PHF3: variants seen among roughly 807,000 people sequenced by gnomAD.
PHF3 encodes the protein PHD finger protein 3.
In PHF3, 41 loss-of-function variants were observed where a neutral mutation model predicts 178.4. The ratio of observed to expected loss-of-function variants is 0.23; its 90% CI spans 0.18 to 0.30. The LOEUF (loss-of-function observed/expected upper bound fraction) is 0.30. Ranked by LOEUF, PHF3 falls within the 10% of genes least tolerant of loss-of-function variation. The pLI, the probability that PHF3 is intolerant of heterozygous loss-of-function variation, is 1.00. For missense variants in PHF3, 2,346 were observed against 2,398.1 expected, an observed-to-expected ratio of 0.98 and a Z score of 0.45; for synonymous variants, 842 against 800.5, an observed-to-expected ratio of 1.05 and a Z score of -0.88.
intron 4 of PHF3, among the ~76,000 whole-genome samples, chr6:63,691,246 G>A (rs542958222): frequency 6.6e-6 from 1 of 151,948 alleles, no homozygotes; most frequent in Non-Finnish European, 1.5e-5. Flanking sequence ...ACTATTGTTG[G>A]TTTTTTCTTT....
chr6:63,711,434 T>G, intron 15 of PHF3, 72 bp downstream of exon 15: 1 of 1,387,998 alleles, frequency 7.2e-7, no homozygotes, highest in Non-Finnish European at 9.9e-7. Flanking sequence ...AAAAGACTGA[T>G]TCTGCCTTCT....
chr6:63,694,556 A>G (rs1561972866), intron 5 of PHF3, 25 bp from the exon 6 acceptor site: 2 of 1,393,518 alleles, frequency 1.4e-6, no homozygotes, highest in Non-Finnish European at 1.9e-6. Context: ...TTTTCATTCT[A>G]ATGAATTAAG....
intron 1 of PHF3, among the ~76,000 whole-genome samples, chr6:63,643,359 T>C (rs1179189596): frequency 6.6e-6 from 1 of 152,248 alleles, no homozygotes; most frequent in East Asian, 1.9e-4. Flanking sequence ...TTTGGATGGC[T>C]ACATGCTGTT....
At position 63,684,117 on chromosome 6, in the gene PHF3, C is replaced by T; in HGVS notation, c.407-12C>T. On this transcript the variant is annotated splice_polypyrimidine_tract_variant and intron_variant, in intron 3 of 15. Coordinates refer to ENST00000262043, the MANE Select transcript of PHF3 (RefSeq NM_001370348.2). Reference sequence around the variant, plus strand: ...GCTAAGTATTTTTATTTATTTTTTCCCCCTGTGATAGAACAAGTAAGAAGT... The same window carrying T: ...GCTAAGTATTTTTATTTATTTTTTCTCCCTGTGATAGAACAAGTAAGAAGT... 2 of 1,541,364 alleles carry T rather than the reference C, an allele frequency of 1.3e-6. No homozygotes were observed. Among genetic ancestry groups the T allele is most frequent in the South Asian group, 2.5e-5 (2 of 81,502 alleles).
rs200055061 is a variant in PHF3, at chr6:63,724,364, T to C, written c.*10656T>C. Among the ~76,000 whole-genome samples, 1 of 152,308 alleles carries C rather than the reference T, an allele frequency of 6.6e-6. No individual in the cohort carries two copies. Among genetic ancestry groups the C allele is most frequent in the East Asian group, 1.9e-4 (1 of 5,180 alleles). On this transcript the variant is annotated 3_prime_UTR_variant, in exon 16 of 16. Coordinates refer to ENST00000262043, the MANE Select transcript of PHF3 (RefSeq NM_001370348.2). Reference sequence around the variant, plus strand: ...TACAGAATCAGCATATCAGGGGAATTGTATATACATTTTTTTCTGTAGAAA... The same window carrying C: ...TACAGAATCAGCATATCAGGGGAATCGTATATACATTTTTTTCTGTAGAAA...
At chr6:63,638,911 T>C (rs377586115) in intron 1 of PHF3, among the ~76,000 whole-genome samples, 4 of 152,248 alleles carry the variant, frequency 2.6e-5, no homozygotes, top group Admixed American at 6.5e-5. Context: ...TGGAAAGATA[T>C]TGAGAGTATT....
intron 14 of PHF3, 22 bp downstream of exon 14, chr6:63,709,262 A>G (rs772446246): frequency 7.1e-7 from 1 of 1,401,790 alleles, no homozygotes; most frequent in Admixed American, 1.7e-5. Flanking sequence ...TTTTTTCACT[A>G]TACCAGCATG....
chr6:63,686,768 T>A (rs974786147), intron 4 of PHF3, among the ~76,000 whole-genome samples: 9 of 152,252 alleles, frequency 5.9e-5, no homozygotes, highest in Non-Finnish European at 1.2e-4. Context: ...TTGTATATTA[T>A]ATTCTTCTTA....
rs950481934 is a variant in PHF3 at position 63,711,807 on chromosome 6, C to T, written c.4219C>T (p.His1407Tyr). 1 of 1,613,784 alleles carries T rather than the reference C, an allele frequency of 6.2e-7. No individual in the cohort carries two copies. Reference sequence around the variant, plus strand: ...TTTTAATTCTTTTACAACTGTATTACACAAGCAGAGAAATAAACCTCAGCA... The same window carrying T: ...TTTTAATTCTTTTACAACTGTATTATACAAGCAGAGAAATAAACCTCAGCA... ...DFFNSFTTVL[H>Y]KQRNKPQQNL... The change falls in exon 16 of 16, where the codon CAC becomes TAC. Residue 1407 changes from histidine to tyrosine, a missense_variant. Coordinates refer to ENST00000262043, the MANE Select transcript of PHF3 (RefSeq NM_001370348.2).
At chr6:63,637,111 T>A (rs1764375436) in intron 1 of PHF3, among the ~76,000 whole-genome samples, 1 of 152,236 alleles carries the variant, frequency 6.6e-6, no homozygotes, top group Non-Finnish European at 1.5e-5. Flanking sequence ...AGTCCTAATC[T>A]GCATTACATG....
At position 63,721,818 on chromosome 6, in the gene PHF3, A is replaced by G. The variant is rs1768408115; in HGVS notation, c.*8110A>G. On this transcript the variant is annotated 3_prime_UTR_variant, in exon 16 of 16. Transcript: ENST00000262043. ...ATCACCTGCAAGAAAGCAAACAGTA[A>G]GTTTGATTAGCAACAGTAAAAGTTT... 1 of 1,526,284 alleles carries G rather than the reference A, an allele frequency of 6.6e-7. No homozygotes were observed. The allele number at this position is 1,526,284 out of a possible 1,614,324, so 94.5% of individuals were successfully genotyped here. A position where few individuals can be genotyped will look rare whatever the true frequency, so the allele number is the denominator to read the frequency against.
rs185245950 is a variant in PHF3, at chr6:63,685,525, C to T, written c.1803C>T (p.His601=). ...PLTHSLSDKS[H]AHPGCLKEPH... is the part of the protein sequence containing the mutation. Reference sequence around the variant, plus strand: ...CTCATTCTTTGAGTGATAAGTCACACGCTCATCCTGGTTGCTTGAAAGAAC... The same window carrying T: ...CTCATTCTTTGAGTGATAAGTCACATGCTCATCCTGGTTGCTTGAAAGAAC... Residue 601 remains histidine, a synonymous_variant, in exon 4 of 16, where the codon CAC becomes CAT. Transcript: ENST00000262043. 236 of 1,614,062 alleles carry T rather than the reference C, an allele frequency of 1.5e-4. No individual in the cohort carries two copies. The highest frequency in any genetic ancestry group is 1.3e-3 in the Admixed American group (76 of 60,016).
intron 4 of PHF3, among the ~76,000 whole-genome samples, chr6:63,690,873 G>A (rs748288390): frequency 1.3e-5 from 2 of 152,132 alleles, no homozygotes; most frequent in African/African-American, 2.4e-5. Flanking sequence ...TGGAAAGATA[G>A]AAGCTTTTTT....
At position 63,700,586 on chromosome 6, in the gene PHF3, A is replaced by G. The variant is rs372995999; in HGVS notation, c.3099+120A>G. On this transcript the variant is annotated intron_variant, in intron 9 of 15. Coordinates refer to ENST00000262043, the MANE Select transcript of PHF3 (RefSeq NM_001370348.2). ...CATAATAACACAGACTTTCTGTTAC[A>G]TGCTTCTTTTTTTTTTGAGATGGCG... is the stretch of plus-strand genomic sequence containing the variant. 61 of 569,922 alleles carry G rather than the reference A, an allele frequency of 1.1e-4. No individual in the cohort carries two copies. In the East Asian group the frequency reaches 1.6e-3, roughly 15 times the overall value. The allele number at this position is 569,922 out of a possible 1,614,324, so 35.3% of individuals were successfully genotyped here. A position where few individuals can be genotyped will look rare whatever the true frequency, so the allele number is the denominator to read the frequency against.
In PHF3 at chr6:63,698,480, G is replaced by C; in HGVS notation, c.2857G>C (p.Glu953Gln). The part of the protein sequence containing the change: ...LTDSNLKVPE[E>Q]KAAKVATKIE... ...AGACTCAAATTTGAAGGTACCAGAG[G>C]AAAAGGCAGCAAAAGTTGCCACAAA... The change falls in exon 8 of 16, where the codon GAA becomes CAA. Residue 953 changes from glutamate to glutamine, a missense_variant. Physicochemically the swap from Glu to Gln is conservative, Grantham distance 29. Around this residue, in one of 8 missense-constraint regions of PHF3, gnomAD observed 252 missense variants for 232.0 expected, o/e 1.09. Transcript: ENST00000262043. The C allele has an allele frequency of 6.2e-7, 1 of 1,601,236 alleles. No individual in the cohort carries two copies. The highest frequency in any genetic ancestry group is 8.5e-7 in the Non-Finnish European group (1 of 1,175,644).
In PHF3 at chr6:63,646,619, G is replaced by T. The variant is rs1355605868; in HGVS notation, c.68G>T (p.Gly23Val). Residue 23 changes from glycine to valine, a missense_variant, in exon 2 of 16, where the codon GGA (glycine) becomes GTA (valine). By Grantham distance (109) the Gly-to-Val change is moderately radical. Coordinates refer to ENST00000262043, the MANE Select transcript of PHF3 (RefSeq NM_001370348.2). The part of the protein sequence containing the change: ...TEHLDDALFL[G>V]SNLENEVCED... ...CACTTAGATGATGCCCTATTTCTAG[G>T]ATCCAACCTGGAGAATGAAGTCTGT... 1 of 1,613,522 alleles carries T rather than the reference G, an allele frequency of 6.2e-7. No homozygotes were observed.
chr6:63,659,981 C>A (rs1374198831), intron 2 of PHF3, among the ~76,000 whole-genome samples: 2 of 152,008 alleles, frequency 1.3e-5, no homozygotes, highest in Non-Finnish European at 2.9e-5. Flanking sequence ...TGCTCTAAAT[C>A]GGTTCTCAGA....
In PHF3 at chr6:63,638,157, T is replaced by G. The variant is rs78579370; in HGVS notation, c.-26+2007T>G. ...TCGAAAGGAATTTGTCTTTAATCAT[T>G]TCAAACTATGTTATTAAAATTTAAA... On this transcript the variant is annotated intron_variant, in intron 1 of 15. Coordinates refer to ENST00000262043, the MANE Select transcript of PHF3 (RefSeq NM_001370348.2). Among the ~76,000 whole-genome samples the G allele has an allele frequency of 8.2e-3, 1,253 of 152,246 alleles. 10 individuals are homozygous for G. The highest frequency in any genetic ancestry group is 0.029 in the African/African-American group (1,205 of 41,564).
chr6:63,653,348 A>T (rs1040618433), intron 2 of PHF3, among the ~76,000 whole-genome samples: 5 of 150,778 alleles, frequency 3.3e-5, no homozygotes, highest in Non-Finnish European at 7.4e-5. Context: ...CCATTTTTTG[A>T]TGTGTGTTCT....
Sources: allele counts gnomAD v4.1 joint callset (sites outside exome capture counted in the v4.1 genomes callset), GRCh38; gene constraint gnomAD v4.1.1; regional missense constraint gnomAD v4.1.1; transcripts MANE v1.5; gene names NCBI Gene and HGNC (gene_info 2026-07-23, HGNC 2026-07-21).